The following MRPS6 variants were observed in gnomAD, a reference collection of about 807,000 sequenced individuals.
The protein encoded by MRPS6 is small ribosomal subunit protein bS6m.
A neutral mutation model predicts 13.1 loss-of-function variants in MRPS6; 6 were observed. The observed-to-expected ratio is 0.46, with a 90% CI of 0.25 to 0.91. The LOEUF (loss-of-function observed/expected upper bound fraction) is 0.91. Among genes scored for constraint, MRPS6 ranks in the 40% least tolerant of loss-of-function variants. The pLI, the probability that MRPS6 is intolerant of heterozygous loss-of-function variation, is 0.18. For missense variants in MRPS6, 164 were observed against 155.6 expected, an observed-to-expected ratio of 1.05 and a Z score of -0.29; for synonymous variants, 61 against 56.5, an observed-to-expected ratio of 1.08 and a Z score of -0.36.
chr21:34,086,538 T>C (rs550070268), intron 1 of MRPS6, among the ~76,000 whole-genome samples: 4 of 152,168 alleles, frequency 2.6e-5, no homozygotes, highest in African/African-American at 9.6e-5. Flanking sequence ...TGTGTGTGTG[T>C]GTGTGTGTGT....
At chr21:34,127,648 T>C (rs377644161) in intron 2 of MRPS6, among the ~76,000 whole-genome samples, 1 of 152,258 alleles carries the variant, frequency 6.6e-6, no homozygotes, top group African/African-American at 2.4e-5. Context: ...ATAACGTTTA[T>C]GTGTCTGCAG....
At chr21:34,139,102 C>T (rs192439865) in intron 2 of MRPS6, among the ~76,000 whole-genome samples, 2,582 of 147,494 alleles carry the variant, frequency 0.018, 65 homozygotes, top group African/African-American at 0.062. Context: ...AACCAAACAC[C>T]GCATGTTCTC....
At chr21:34,073,797 C>G (rs759284735) in intron 1 of MRPS6, 52 bp downstream of exon 1, 15 of 1,362,722 alleles carry the variant, frequency 1.1e-5, no homozygotes, top group African/African-American at 1.5e-5. Flanking sequence ...CCCCCGCTGC[C>G]GCTAGGCCGC....
chr21:34,089,934 G>A (rs1390776798), intron 1 of MRPS6, among the ~76,000 whole-genome samples: 2 of 152,214 alleles, frequency 1.3e-5, no homozygotes, highest in African/African-American at 4.8e-5. Context: ...TGAATATCCC[G>A]TATCTTAAAT....
At position 34,112,427 on chromosome 21, in the gene MRPS6, A is replaced by G. The variant is rs75915747; in HGVS notation, c.46-12914A>G. Among the ~76,000 whole-genome samples, 5 of 12,952 alleles carry G rather than the reference A, an allele frequency of 3.9e-4. No homozygotes were observed. The African/African-American group carries it at 0.013, about 32-fold the overall frequency. 8.5% of individuals were successfully genotyped at this position (12,952 alleles called of 152,430 possible). A position where few individuals can be genotyped will look rare whatever the true frequency, so the allele number is the denominator to read the frequency against. ...TTATAGAAAGTAGCTGGATCTTTTCAAAAAAACAGTTTGAGATAAATTTCA... is the reference window on the plus strand; with the variant it reads ...TTATAGAAAGTAGCTGGATCTTTTCGAAAAAACAGTTTGAGATAAATTTCA... On this transcript the variant is annotated intron_variant, in intron 1 of 2. Coordinates refer to ENST00000399312, the MANE Select transcript of MRPS6 (RefSeq NM_032476.4).
At chr21:34,098,611 T>C (rs1979082905) in intron 1 of MRPS6, 2 of 1,000,306 alleles carry the variant, frequency 2.0e-6, no homozygotes, top group Non-Finnish European at 2.4e-6. Context: ...GTTGTCAATA[T>C]AGTCTTTCTG....
chr21:34,105,045 T>C, intron 1 of MRPS6: 3 of 1,000,026 alleles, frequency 3.0e-6, no homozygotes, highest in African/African-American at 1.7e-5. Context: ...TCAAGTCTTT[T>C]GCTCATAGAC....
chr21:34,135,968 TATC>T (rs1313112809), intron 2 of MRPS6: 1 of 366,852 alleles, frequency 2.7e-6, no homozygotes, highest in Non-Finnish European at 5.4e-6. Context: ...CTGATCTGCA[TATC>T]ATCATTTGTG....
At chr21:34,137,243 T>C (rs1980738701) in intron 2 of MRPS6, among the ~76,000 whole-genome samples, 1 of 152,226 alleles carries the variant, frequency 6.6e-6, no homozygotes, top group African/African-American at 2.4e-5. Context: ...AAATAAATAA[T>C]AGATCTCAAT....
rs558035710 is a variant in MRPS6, at chr21:34,084,425, A to G, written c.45+10680A>G. On this transcript the variant is annotated intron_variant, in intron 1 of 2. Transcript: ENST00000399312. Reference sequence around the variant, plus strand: ...AAAAACACAAAGTTGACCTGGTAGGATGTTTTACCTCTATAAACCTCATAG... The same window carrying G: ...AAAAACACAAAGTTGACCTGGTAGGGTGTTTTACCTCTATAAACCTCATAG... 2.0e-5 allele frequency among the ~76,000 whole-genome samples: 3 copies of G among 152,296 alleles called. No individual in the cohort carries two copies. The East Asian group carries it at 5.8e-4, about 29-fold the overall frequency.
At chr21:34,128,426 G>A (rs1333303664) in intron 2 of MRPS6, among the ~76,000 whole-genome samples, 1 of 152,162 alleles carries the variant, frequency 6.6e-6, no homozygotes, top group African/African-American at 2.4e-5. Flanking sequence ...AAAAGAGTAG[G>A]TAAGGGAGAG....
At chr21:34,097,305 T>C (rs1218594914) in intron 1 of MRPS6, 3 of 1,611,066 alleles carry the variant, frequency 1.9e-6, no homozygotes, top group Non-Finnish European at 1.7e-6. Flanking sequence ...TATTGGACTT[T>C]TTGCTGTGTG....
At chr21:34,118,341 GT>G (rs1050685326) in intron 1 of MRPS6, among the ~76,000 whole-genome samples, 4 of 151,010 alleles carry the variant, frequency 2.6e-5, no homozygotes, top group Non-Finnish European at 4.4e-5. Flanking sequence ...GAAAAAGCAA[GT>G]TTTTTTTTCC....
At chr21:34,122,694 C>CT (rs1736050187) in intron 1 of MRPS6, 1 of 150,888 alleles carries the variant, frequency 6.6e-6, no homozygotes. Flanking sequence ...AATCAGAAAA[C>CT]TAATCAATCA....
At chr21:34,123,197 T>G (rs1220174377) in intron 1 of MRPS6, 1 of 152,222 alleles carries the variant, frequency 6.6e-6, no homozygotes, top group East Asian at 1.9e-4. Flanking sequence ...CATACCATTT[T>G]AGCAGCACTT....
intron 2 of MRPS6, among the ~76,000 whole-genome samples, chr21:34,126,023 A>G (rs1980291261): frequency 6.6e-6 from 1 of 152,210 alleles, no homozygotes; most frequent in African/African-American, 2.4e-5. Flanking sequence ...AGTAATAACT[A>G]TCTTTGTAGA....
At chr21:34,138,488 T>G (rs955484419) in intron 2 of MRPS6, among the ~76,000 whole-genome samples, 3 of 151,840 alleles carry the variant, frequency 2.0e-5, no homozygotes, top group Non-Finnish European at 2.9e-5. Context: ...TCAAACAAAT[T>G]TACAAGAAAA....
Position 34,096,933 on chromosome 21 carries a change from A to G in MRPS6, c.45+23188A>G. On this transcript the variant is annotated intron_variant, in intron 1 of 2. Transcript: ENST00000399312. This position sits in a 1 kb window ranked among gnomAD's most constrained non-coding sequence, Gnocchi z 5.9. Reference sequence around the variant, plus strand: ...GAGCATTCTGAGATGCAGTGAGAATAATGAGACCATCAACCACATCATTCC... The same window carrying G: ...GAGCATTCTGAGATGCAGTGAGAATGATGAGACCATCAACCACATCATTCC... The G allele has an allele frequency of 1.9e-6, 3 of 1,614,126 alleles. No individual in the cohort carries two copies. The highest frequency in any genetic ancestry group is 2.5e-6 in the Non-Finnish European group (3 of 1,179,988).
chr21:34,112,231 T>C (rs1046972275), intron 1 of MRPS6, among the ~76,000 whole-genome samples: 1 of 152,212 alleles, frequency 6.6e-6, no homozygotes, highest in Non-Finnish European at 1.5e-5. Flanking sequence ...ATCAAACATT[T>C]ATTGAACGTG....
Sources: allele counts gnomAD v4.1 joint callset (sites outside exome capture counted in the v4.1 genomes callset), GRCh38; gene constraint gnomAD v4.1.1; non-coding constraint Gnocchi (gnomAD v3.1); transcripts MANE v1.5; gene names NCBI Gene and HGNC (gene_info 2026-07-23, HGNC 2026-07-21).